The following EEF2K variants were observed in gnomAD, a reference collection of about 807,000 sequenced individuals.
The protein encoded by EEF2K is alternative protein EEF2K.
A neutral mutation model predicts 93.8 loss-of-function variants in EEF2K; 70 were observed. That is an observed-to-expected ratio of 0.75 (90% CI 0.62 to 0.91). The LOEUF is 0.91. Ranked by LOEUF, EEF2K falls within the 40% of genes least tolerant of loss-of-function variation. The pLI is 0.00. For missense variants in EEF2K, 935 were observed against 972.9 expected (o/e 0.96, Z 0.52); for synonymous variants, 376 against 380.8 (o/e 0.99, Z 0.15).
chr16:22,209,791 T>G (rs1291954328), intron 1 of EEF2K, among the ~76,000 whole-genome samples: 3 of 152,140 alleles, frequency 2.0e-5, no homozygotes, highest in Admixed American at 2.0e-4. Context: ...GCAAGGAGGC[T>G]TCTTTTTTGT....
At chr16:22,258,978 T>C (rs2047436700) in intron 10 of EEF2K, among the ~76,000 whole-genome samples, 1 of 151,928 alleles carries the variant, frequency 6.6e-6, no homozygotes, top group African/African-American at 2.4e-5. Flanking sequence ...AAGAAAATTA[T>C]ATCCCAACCT....
chr16:22,273,726 C>G lies in EEF2K; in HGVS notation c.1865C>G (p.Ser622Cys), dbSNP rs747597163. The change falls in exon 16 of 18, where the codon TCT becomes TGT. Residue 622 changes from serine (S) to cysteine (C), a missense_variant. Ser to Cys is a moderately radical substitution (Grantham distance 112, BLOSUM62 -1). Coordinates refer to ENST00000263026, the MANE Select transcript of EEF2K (RefSeq NM_013302.5). Reference sequence around the variant, plus strand: ...ATCCTAGTGGCGCGAGCTTTTGACTCTGGCCAGAACCTCAGCCCGGACAGG... The same window carrying G: ...ATCCTAGTGGCGCGAGCTTTTGACTGTGGCCAGAACCTCAGCCCGGACAGG... ...SMILVARAFDSGQNLSPDRCQ... is the reference protein window; with the variant it reads ...SMILVARAFDCGQNLSPDRCQ... The G allele has an allele frequency of 1.2e-5, 20 of 1,613,864 alleles. No individual in the cohort carries two copies. Among genetic ancestry groups the G allele is most frequent in the Non-Finnish European group, 1.5e-5 (18 of 1,179,942 alleles).
In EEF2K at chr16:22,260,461, G is replaced by C; in HGVS notation, c.1232-1G>C. 1.2e-6 allele frequency: 2 copies of C among 1,614,120 alleles called. No individual in the cohort carries two copies. The highest frequency in any genetic ancestry group is 1.7e-4 in the Middle Eastern group (1 of 6,060). ...CATGATGTCTGTTTCTCCCTGCCCA[G>C]ATTGGCCAGTGTTCAGTGACCTCGA... is the stretch of plus-strand genomic sequence containing the variant. On this transcript the variant is annotated splice_acceptor_variant, in intron 10 of 17. Transcript: ENST00000263026. LOFTEE classifies it high-confidence loss of function.
intron 15 of EEF2K, among the ~76,000 whole-genome samples, chr16:22,269,232 T>G (rs1448686798): frequency 1.3e-5 from 2 of 152,032 alleles, no homozygotes; most frequent in Non-Finnish European, 2.9e-5. Flanking sequence ...CTTCCTTGTT[T>G]CTTCGGGCTT....
chr16:22,231,294 T>A (rs2047112652), intron 2 of EEF2K, among the ~76,000 whole-genome samples: 1 of 151,958 alleles, frequency 6.6e-6, no homozygotes, highest in South Asian at 2.1e-4. Flanking sequence ...TTTTTGTATA[T>A]TTAGTAGAGA....
chr16:22,263,124 T>G lies in EEF2K; in HGVS notation c.1314T>G (p.Ser438Arg), dbSNP rs1473449273. The G allele has an allele frequency of 1.9e-6, 3 of 1,611,098 alleles. No homozygotes were observed. Among genetic ancestry groups the G allele is most frequent in the Non-Finnish European group, 2.5e-6 (3 of 1,178,638 alleles). ...TCTCTCCACAGGAGTCTGAGAATAG[T>G]GGGGACAGCGGATACCCCAGTGAGA... ...HLDNHRESENSGDSGYPSEKR... is the reference protein window; with the variant it reads ...HLDNHRESENRGDSGYPSEKR... The change falls in exon 12 of 18, where the codon AGT becomes AGG. Residue 438 changes from serine to arginine, a missense_variant. Ser to Arg is a moderately radical substitution (Grantham distance 110, BLOSUM62 -1). Transcript: ENST00000263026.
In EEF2K at chr16:22,266,839, A is replaced by G. The variant is rs1256579142; in HGVS notation, c.1727A>G (p.Gln576Arg). ...AIVGLGLMYS[Q>R]LPHHILADVS... ...GTGGGCCTGGGACTCATGTACTCGC[A>G]GTTGCCTCATCACATCCTAGCCGAT... is the stretch of plus-strand genomic sequence containing the variant. Residue 576 changes from glutamine to arginine, a missense_variant, in exon 15 of 18, where the codon CAG becomes CGG. By Grantham distance (43) the Gln-to-Arg change is conservative. Transcript: ENST00000263026. 2 of 1,613,742 alleles carry G rather than the reference A, an allele frequency of 1.2e-6. No homozygotes were observed. Among genetic ancestry groups the G allele is most frequent in the Admixed American group, 1.7e-5 (1 of 59,966 alleles).
In EEF2K at chr16:22,251,285, G is replaced by T. The variant is rs139820091; in HGVS notation, c.581G>T (p.Trp194Leu). ...CGTCTACAGATGGAGGCCAAGCTCT[G>T]GGGGGAGGAGTATAATCGGCACAAG... ...DVRLQMEAKL[W>L]GEEYNRHKPP... The change falls in exon 6 of 18, where the codon TGG becomes TTG. Residue 194 changes from tryptophan (W) to leucine (L), a missense_variant. Coordinates refer to ENST00000263026, the MANE Select transcript of EEF2K (RefSeq NM_013302.5). The T allele has an allele frequency of 1.4e-5, 23 of 1,613,986 alleles. No individual in the cohort carries two copies. Among genetic ancestry groups the T allele is most frequent in the Non-Finnish European group, 1.9e-5 (22 of 1,180,010 alleles).
chr16:22,225,486 A>G (rs2047053594), intron 1 of EEF2K, among the ~76,000 whole-genome samples, 168 bp from the exon 2 acceptor site: 1 of 152,174 alleles, frequency 6.6e-6, no homozygotes, highest in Non-Finnish European at 1.5e-5. Flanking sequence ...CGGGTTTCGA[A>G]TTTAAAATGT....
chr16:22,248,894 TCTCCCA>T, intron 4 of EEF2K, 79 bp downstream of exon 4: 2 of 1,385,576 alleles, frequency 1.4e-6, no homozygotes, highest in South Asian at 2.5e-5. Flanking sequence ...TGCACCCTTC[TCTCCCA>T]CTCCCACTTT....
intron 12 of EEF2K, among the ~76,000 whole-genome samples, chr16:22,263,852 C>T (rs1430482743): frequency 1.3e-5 from 2 of 152,102 alleles, no homozygotes; most frequent in African/African-American, 2.4e-5. Flanking sequence ...AGGTCAGTTT[C>T]CTTGGGTAGC....
intron 1 of EEF2K, among the ~76,000 whole-genome samples, chr16:22,209,350 A>G (rs2046893503): frequency 6.6e-6 from 1 of 152,124 alleles, no homozygotes; most frequent in African/African-American, 2.4e-5. Flanking sequence ...TAGGGTTGTT[A>G]TCTTGCTGTG....
chr16:22,260,790 C>T (rs566270563), intron 11 of EEF2K, among the ~76,000 whole-genome samples: 1 of 152,278 alleles, frequency 6.6e-6, no homozygotes, highest in East Asian at 1.9e-4. Flanking sequence ...AGCAACAATG[C>T]GATCTTGTAG....
chr16:22,240,322 TTA>T (rs1224051003), intron 2 of EEF2K, among the ~76,000 whole-genome samples: 1 of 152,134 alleles, frequency 6.6e-6, no homozygotes, highest in Non-Finnish European at 1.5e-5. Context: ...CTTATAAATT[TTA>T]TAGTTATCTG....
At chr16:22,224,412 C>G (rs1175157074) in intron 1 of EEF2K, among the ~76,000 whole-genome samples, 1 of 152,062 alleles carries the variant, frequency 6.6e-6, no homozygotes, top group African/African-American at 2.4e-5. Context: ...AGGAGGATCA[C>G]TTGAGCCCAG....
At chr16:22,215,330 C>T (rs746711605) in intron 1 of EEF2K, among the ~76,000 whole-genome samples, 2 of 152,096 alleles carry the variant, frequency 1.3e-5, no homozygotes, top group Non-Finnish European at 1.5e-5. Flanking sequence ...AGACCCTATT[C>T]GCCTGCCTCA....
Position 22,283,900 on chromosome 16 carries a change from C to T in EEF2K, c.2082C>T (p.Thr694=), listed in dbSNP as rs779148747. The change falls in exon 18 of 18, where the codon ACC becomes ACT. Residue 694 remains threonine, a synonymous_variant. Transcript: ENST00000263026. ...GCTGTCTTTCAGGGGACTTGTATAC[C>T]CAGGCAGCAGAGGCAGCGATGGAAG... ...KDPQRSGDLY[T]QAAEAAMEAM... The T allele has an allele frequency of 3.8e-6, 6 of 1,595,966 alleles. No homozygotes were observed. Among genetic ancestry groups the T allele is most frequent in the Non-Finnish European group, 4.3e-6 (5 of 1,171,412 alleles).
intron 15 of EEF2K, among the ~76,000 whole-genome samples, chr16:22,271,521 T>A (rs2047581640): frequency 6.6e-6 from 1 of 151,820 alleles, no homozygotes; most frequent in East Asian, 1.9e-4. Context: ...AAACTCCATC[T>A]CTACAAACCC....
intron 5 of EEF2K, 143 bp from the exon 6 acceptor site, chr16:22,251,008 C>A: frequency 1.0e-6 from 1 of 995,090 alleles, no homozygotes; most frequent in Non-Finnish European, 1.5e-6. Flanking sequence ...GGGGTGGGGA[C>A]GTCCTTCTTA....
Sources: allele counts gnomAD v4.1 joint callset (sites outside exome capture counted in the v4.1 genomes callset), GRCh38; gene constraint gnomAD v4.1.1; transcripts MANE v1.5; gene names NCBI Gene and HGNC (gene_info 2026-07-23, HGNC 2026-07-21).